PHACTR3: variants seen among roughly 807,000 people sequenced by gnomAD.
PHACTR3 encodes protein phosphatase 1, regulatory subunit 123.
PHACTR3 carries 16 observed loss-of-function variants against 66.8 expected under a neutral mutation model. The ratio of observed to expected loss-of-function variants is 0.24; its 90% CI spans 0.16 to 0.36. The LOEUF is 0.36. PHACTR3 is among the 10% of genes least tolerant of loss of function. The pLI is 1.00. For synonymous variants in PHACTR3, 323 were observed against 292.1 expected (o/e 1.11, Z -1.08); for missense variants, 647 against 719.9 (o/e 0.90, Z 1.16).
At chr20:59,598,551 C>T (rs1343103) in intron 1 of PHACTR3, among the ~76,000 whole-genome samples, 62,613 of 151,926 alleles carry the variant, frequency 0.41, 13,016 homozygotes, top group East Asian at 0.49. Context: ...TTTTTCAGGG[C>T]GACTCTAGCT....
chr20:59,584,901 A>G (rs2032975453), intron 1 of PHACTR3, among the ~76,000 whole-genome samples: 1 of 152,078 alleles, frequency 6.6e-6, no homozygotes, highest in African/African-American at 2.4e-5. Context: ...GTCAGATTGG[A>G]TTGCCCAGCC....
At chr20:59,655,862 A>C (rs2035604876) in intron 1 of PHACTR3, among the ~76,000 whole-genome samples, 1 of 151,792 alleles carries the variant, frequency 6.6e-6, no homozygotes, top group African/African-American at 2.4e-5. Flanking sequence ...CATTCATCTC[A>C]AAGTACTTTC....
At chr20:59,727,722 T>A (rs933991218) in intron 1 of PHACTR3, among the ~76,000 whole-genome samples, 1 of 152,176 alleles carries the variant, frequency 6.6e-6, no homozygotes, top group East Asian at 1.9e-4. Context: ...TGCTCTGAAA[T>A]TCGAAACTTT....
intron 1 of PHACTR3, among the ~76,000 whole-genome samples, chr20:59,691,566 T>C (rs2037107481): frequency 1.3e-5 from 2 of 152,212 alleles, no homozygotes; most frequent in African/African-American, 4.8e-5. Flanking sequence ...CTATATTATA[T>C]GTTTTAATAA....
chr20:59,691,540 G>A (rs910780893), intron 1 of PHACTR3, among the ~76,000 whole-genome samples: 1 of 152,040 alleles, frequency 6.6e-6, no homozygotes, highest in African/African-American at 2.4e-5. Flanking sequence ...AAGCCACATT[G>A]TTTTAATTAT....
At position 59,681,742 on chromosome 20, in the gene PHACTR3, G is replaced by A. The variant is rs1440467539; in HGVS notation, c.119-61365G>A. Among the ~76,000 whole-genome samples the A allele has an allele frequency of 6.6e-5, 10 of 152,258 alleles. No individual in the cohort carries two copies. The East Asian group carries it at 1.2e-3, about 18-fold the overall frequency. Reference sequence around the variant, plus strand: ...ATCAGGCCTCTGGGCCAGGCATGGCGGCTCACCCCTGTAATCTCAGCTCTT... The same window carrying A: ...ATCAGGCCTCTGGGCCAGGCATGGCAGCTCACCCCTGTAATCTCAGCTCTT... On this transcript the variant is annotated intron_variant, in intron 1 of 12. Transcript: ENST00000371015.
intron 4 of PHACTR3, among the ~76,000 whole-genome samples, chr20:59,756,100 G>A (rs997143189): frequency 9.2e-5 from 14 of 152,210 alleles, no homozygotes; most frequent in African/African-American, 2.9e-4. Context: ...AGACCAGGGC[G>A]CTTCCCAAGG....
chr20:59,838,352 A>G (rs1212106232), intron 9 of PHACTR3, among the ~76,000 whole-genome samples: 2 of 152,176 alleles, frequency 1.3e-5, no homozygotes, highest in Non-Finnish European at 2.9e-5. Context: ...CTTGTAACCA[A>G]TTCTTAGAAT....
intron 1 of PHACTR3, among the ~76,000 whole-genome samples, chr20:59,619,590 C>G (rs981418066): frequency 6.6e-6 from 1 of 152,064 alleles, no homozygotes; most frequent in East Asian, 1.9e-4. Flanking sequence ...GCTGACACAC[C>G]GATTTCAGCC....
intron 1 of PHACTR3, among the ~76,000 whole-genome samples, chr20:59,683,428 A>G (rs954147644): frequency 4.6e-5 from 7 of 151,434 alleles, no homozygotes; most frequent in African/African-American, 1.7e-4. Flanking sequence ...TCCCTGACTT[A>G]GTCATTTGTC....
chr20:59,679,665 A>G lies in PHACTR3; in HGVS notation c.119-63442A>G, dbSNP rs533954841. Among the ~76,000 whole-genome samples the G allele has an allele frequency of 2.8e-3, 426 of 152,268 alleles. 3 individuals are homozygous for G. Among genetic ancestry groups the G allele is most frequent in the Non-Finnish European group, 5.2e-3 (356 of 68,026 alleles). On this transcript the variant is annotated intron_variant, in intron 1 of 12. Coordinates refer to ENST00000371015, the MANE Select transcript of PHACTR3 (RefSeq NM_080672.5). ...TAATTTATAAAGAAAAAGAGGCTTA[A>G]TGGACTCACATTAAGCCTCTGGGGA...
chr20:59,749,140 T>A (rs539716952), intron 3 of PHACTR3, among the ~76,000 whole-genome samples: 1 of 152,292 alleles, frequency 6.6e-6, no homozygotes, highest in East Asian at 1.9e-4. Flanking sequence ...TTTGGCGGAA[T>A]GCGGTTGCTG....
At chr20:59,707,457 CT>C (rs34134572) in intron 1 of PHACTR3, among the ~76,000 whole-genome samples, 4,369 of 100,272 alleles carry the variant, frequency 0.044, 196 homozygotes, top group African/African-American at 0.16. Context: ...TGCTCCCACT[CT>C]TTTTTTTTTT....
chr20:59,713,745 C>CTT (rs962777834), intron 1 of PHACTR3, among the ~76,000 whole-genome samples: 4 of 143,962 alleles, frequency 2.8e-5, no homozygotes, highest in African/African-American at 1.0e-4. Flanking sequence ...TTGTCTTTTG[C>CTT]TTTTTTTTTT....
intron 11 of PHACTR3, among the ~76,000 whole-genome samples, chr20:59,842,801 G>A (rs28632158): frequency 0.013 from 1,926 of 152,198 alleles, 47 homozygotes; most frequent in African/African-American, 0.044. Flanking sequence ...TGGAGTGAAC[G>A]GAGTTTGGGG....
intron 8 of PHACTR3, among the ~76,000 whole-genome samples, chr20:59,810,661 G>C (rs1050405647): frequency 2.0e-5 from 3 of 152,286 alleles, no homozygotes; most frequent in South Asian, 4.1e-4. Context: ...TCTTCTGAGT[G>C]TTCCTGGGCC....
chr20:59,770,627 T>C (rs988656651), intron 5 of PHACTR3, among the ~76,000 whole-genome samples: 2 of 152,240 alleles, frequency 1.3e-5, no homozygotes, highest in Non-Finnish European at 2.9e-5. Context: ...TCCTGGTTCA[T>C]AGGCCAAATT....
At chr20:59,732,630 C>T (rs1457996350) in intron 1 of PHACTR3, among the ~76,000 whole-genome samples, 1 of 152,118 alleles carries the variant, frequency 6.6e-6, no homozygotes, top group Non-Finnish European at 1.5e-5. Context: ...CAGAAGAAGC[C>T]ATGGCCAACA....
chr20:59,585,271 G>A (rs553817879), intron 1 of PHACTR3, among the ~76,000 whole-genome samples: 2 of 152,314 alleles, frequency 1.3e-5, no homozygotes, highest in South Asian at 4.1e-4. Context: ...GCAAAGCCAC[G>A]TTGCAAGAAG....
Sources: allele counts gnomAD v4.1 joint callset (sites outside exome capture counted in the v4.1 genomes callset), GRCh38; gene constraint gnomAD v4.1.1; transcripts MANE v1.5; gene names NCBI Gene and HGNC (gene_info 2026-07-23, HGNC 2026-07-21).